Variants in GRIP1 observed in about 807,000 individuals in gnomAD.
GRIP1 encodes glutamate receptor interacting protein 1, also known as glutamate receptor-interacting protein 1.
In GRIP1, 45 loss-of-function variants were observed where a neutral mutation model predicts 129.9. The observed-to-expected ratio is 0.35, with a 90% CI of 0.27 to 0.44. The LOEUF (loss-of-function observed/expected upper bound fraction) is 0.44, where lower values mean the gene tolerates loss of function less well. Among genes scored for constraint, GRIP1 ranks in the 20% least tolerant of loss-of-function variants. The pLI is 1.00. For synonymous variants in GRIP1, 530 were observed against 520.8 expected (o/e 1.02, Z -0.24); for missense variants, 1,196 against 1,396.8 (o/e 0.86, Z 2.29).
At chr12:66,368,546 C>T (rs2055283902) in intron 23 of GRIP1, among the ~76,000 whole-genome samples, 1 of 152,140 alleles carries the variant, frequency 6.6e-6, no homozygotes, top group African/African-American at 2.4e-5. Context: ...AAAAGAGTAC[C>T]AAGGAGGCTC....
intron 1 of GRIP1, among the ~76,000 whole-genome samples, chr12:66,866,762 A>T (rs1413185044): frequency 6.6e-6 from 1 of 152,166 alleles, no homozygotes; most frequent in East Asian, 1.9e-4. Context: ...AGCCACAAAA[A>T]TTTAAAAATA....
At chr12:66,798,175 C>T (rs2038756015) in intron 1 of GRIP1, among the ~76,000 whole-genome samples, 1 of 151,878 alleles carries the variant, frequency 6.6e-6, no homozygotes, top group African/African-American at 2.4e-5. Flanking sequence ...TAGAAATCAA[C>T]AAAAAATAAG....
In GRIP1 at chr12:66,900,553, A is replaced by G. The variant is rs370482662; in HGVS notation, c.58+168497T>C. 9.1e-4 allele frequency among the ~76,000 whole-genome samples: 138 copies of G among 152,264 alleles called. 2 individuals carry two copies. In the South Asian group the frequency reaches 0.028, roughly 31 times the overall value. On this transcript the variant is annotated intron_variant, in intron 1 of 1. Coordinates refer to the GRIP1 transcript ENST00000643019. ...TGAACTGACTAAAACAGACACATACACTGCTATAGCAGGTCCAAAGTCATC... is the reference window on the plus strand; with the variant it reads ...TGAACTGACTAAAACAGACACATACGCTGCTATAGCAGGTCCAAAGTCATC...
chr12:66,424,709 T>C (rs2057923728), intron 14 of GRIP1, among the ~76,000 whole-genome samples: 1 of 152,220 alleles, frequency 6.6e-6, no homozygotes, highest in Non-Finnish European at 1.5e-5. Flanking sequence ...CTGCAGAATA[T>C]GTATTTCCTT....
At chr12:66,689,602 T>C (rs1291276055) in intron 1 of GRIP1, among the ~76,000 whole-genome samples, 1 of 152,180 alleles carries the variant, frequency 6.6e-6, no homozygotes, top group Non-Finnish European at 1.5e-5. Flanking sequence ...AATATATATA[T>C]ACACTGTTAA....
chr12:66,678,506 C>T (rs535907083), intron 1 of GRIP1, among the ~76,000 whole-genome samples: 4 of 152,260 alleles, frequency 2.6e-5, no homozygotes, highest in South Asian at 2.1e-4. Flanking sequence ...GTAACACACA[C>T]TTGACTCCTT....
chr12:66,714,694 CT>C (rs2035815158), intron 1 of GRIP1, among the ~76,000 whole-genome samples: 2 of 151,980 alleles, frequency 1.3e-5, no homozygotes, highest in African/African-American at 2.4e-5. Context: ...GTGTCATTGT[CT>C]TATTTGATGA....
rs528414555 is a variant in GRIP1, at chr12:66,932,694, A to C, written c.58+136356T>G. Reference sequence around the variant, plus strand: ...TTTTGTTTTTTGTTTTTTTAGATGGAGTGTCACTCTGTTGCCCAGGCTGGA... The same window carrying C: ...TTTTGTTTTTTGTTTTTTTAGATGGCGTGTCACTCTGTTGCCCAGGCTGGA... On this transcript the variant is annotated intron_variant, in intron 1 of 1. Coordinates refer to the GRIP1 transcript ENST00000643019. Among the ~76,000 whole-genome samples, 10 of 152,006 alleles carry C rather than the reference A, an allele frequency of 6.6e-5. No homozygotes were observed. The East Asian group carries it at 1.7e-3, about 26-fold the overall frequency.
chr12:66,731,955 G>C (rs2036451394), intron 1 of GRIP1, among the ~76,000 whole-genome samples: 1 of 152,134 alleles, frequency 6.6e-6, no homozygotes, highest in African/African-American at 2.4e-5. Flanking sequence ...TAAGAAACTT[G>C]TGTTAATTCA....
intron 7 of GRIP1, among the ~76,000 whole-genome samples, chr12:66,504,743 T>C (rs561286855): frequency 4.5e-4 from 69 of 152,224 alleles, no homozygotes; most frequent in Non-Finnish European, 7.2e-4. Flanking sequence ...TACTTTATCA[T>C]TTATTTGTCC....
upstream of GRIP1, among the ~76,000 whole-genome samples, chr12:66,808,380 C>G (rs2039037683): frequency 6.6e-6 from 1 of 152,142 alleles, no homozygotes; most frequent in Non-Finnish European, 1.5e-5. Flanking sequence ...TCACTGCAAC[C>G]TCTTCCTCCC....
At chr12:66,803,070 C>T (rs1182171820) in intron 1 of GRIP1, among the ~76,000 whole-genome samples, 4 of 152,190 alleles carry the variant, frequency 2.6e-5, no homozygotes, top group African/African-American at 9.6e-5. Flanking sequence ...AAGGAATTCT[C>T]ATGGCTTTCA....
intron 2 of GRIP1, among the ~76,000 whole-genome samples, chr12:66,559,918 A>G (rs1247444643): frequency 6.6e-6 from 1 of 152,170 alleles, no homozygotes; most frequent in Non-Finnish European, 1.5e-5. Flanking sequence ...ACTTCAAAAT[A>G]TACTACAGTT....
chr12:66,736,411 A>G (rs1407114464), intron 1 of GRIP1, among the ~76,000 whole-genome samples: 2 of 106,346 alleles, frequency 1.9e-5, no homozygotes, highest in African/African-American at 7.7e-5. Flanking sequence ...GGGTCTTGCT[A>G]TGTTTTCTAG....
chr12:66,966,264 T>G (rs142305004), intron 1 of GRIP1, among the ~76,000 whole-genome samples: 143 of 152,260 alleles, frequency 9.4e-4, no homozygotes, highest in African/African-American at 3.2e-3. Context: ...AATGAACACA[T>G]GAGTAGGTAT....
chr12:66,432,566 G>T lies in GRIP1; in HGVS notation c.1750C>A (p.Leu584Ile). The T allele has an allele frequency of 1.3e-6, 2 of 1,593,086 alleles. No individual in the cohort carries two copies. Among genetic ancestry groups the T allele is most frequent in the Non-Finnish European group, 1.7e-6 (2 of 1,161,920 alleles). ...VKLPKKHNVE[L>I]GITISSPSSR... ...TACTTACAACTTATGGTTATTCCAA[G>T]TTCCACATTGTGCTTCTTAGGCAGC... Residue 584 changes from leucine (L) to isoleucine (I), a missense_variant, in exon 14 of 25, where the codon CTT becomes ATT. Leu to Ile is a conservative substitution (Grantham distance 5). This residue lies in a region of GRIP1 where 508 missense variants were observed against 587.0 expected (regional missense o/e 0.87). Transcript: ENST00000359742.
At chr12:66,515,881 A>G in intron 6 of GRIP1, 117 bp from the exon 7 acceptor site, 1 of 806,916 alleles carries the variant, frequency 1.2e-6, no homozygotes, top group Non-Finnish European at 2.2e-6. Context: ...TCTCATTTGC[A>G]TTCTTTTTAA....
At chr12:66,736,424 T>A (rs926421001) in intron 1 of GRIP1, among the ~76,000 whole-genome samples, 1 of 142,744 alleles carries the variant, frequency 7.0e-6, no homozygotes, top group African/African-American at 2.6e-5. Context: ...TTTTCTAGGT[T>A]GGTCTCAAAC....
intron 5 of GRIP1, among the ~76,000 whole-genome samples, chr12:66,523,239 A>G (rs1255770841): frequency 6.6e-6 from 1 of 151,582 alleles, no homozygotes; most frequent in East Asian, 1.9e-4. Context: ...AGATTCACCA[A>G]AGTTGAAATG....
Sources: gnomAD v4.1 joint callset for allele counts (sites outside exome capture counted in the v4.1 genomes callset) on GRCh38, gnomAD v4.1.1 for gene constraint, gnomAD v4.1.1 regional missense constraint, MANE v1.5 for transcripts, NCBI Gene and HGNC (gene_info 2026-07-23, HGNC 2026-07-21) for gene names.